PTPRQ: variants seen among roughly 807,000 people sequenced by gnomAD.
The protein encoded by PTPRQ is protein tyrosine phosphatase receptor type Q, also known as phosphatidylinositol phosphatase PTPRQ.
In PTPRQ, 199 loss-of-function variants were observed where a neutral mutation model predicts 246.0. That is an observed-to-expected ratio of 0.81 (90% CI 0.72 to 0.91). PTPRQ has a LOEUF of 0.91. Among genes scored for constraint, PTPRQ ranks in the 40% least tolerant of loss-of-function variants. The pLI is 0.00. For synonymous variants in PTPRQ, 869 were observed against 853.2 expected, an observed-to-expected ratio of 1.02 and a Z score of -0.32; for missense variants, 2,624 against 2,528.4, an observed-to-expected ratio of 1.04 and a Z score of -0.81.
intron 43 of PTPRQ, 148 bp from the exon 44 acceptor site, chr12:80,678,454 A>G (rs950508013): frequency 8.4e-6 from 9 of 1,065,838 alleles, no homozygotes; most frequent in Non-Finnish European, 9.6e-6. Flanking sequence ...ATGGTAGAAA[A>G]TCATATCTAT....
At chr12:80,448,195 T>A (rs1305530113) in intron 3 of PTPRQ, among the ~76,000 whole-genome samples, 1 of 152,116 alleles carries the variant, frequency 6.6e-6, no homozygotes, top group Non-Finnish European at 1.5e-5. Flanking sequence ...AGCCTGAATG[T>A]TATTGGTGTA....
chr12:80,635,283 C>T (rs1313252922), intron 35 of PTPRQ, among the ~76,000 whole-genome samples: 1 of 152,198 alleles, frequency 6.6e-6, no homozygotes, highest in African/African-American at 2.4e-5. Context: ...TAAATATGAA[C>T]TTTGGACTAT....
intron 25 of PTPRQ, among the ~76,000 whole-genome samples, chr12:80,581,409 G>A (rs754931257): frequency 5.1e-4 from 77 of 152,152 alleles, no homozygotes; most frequent in Non-Finnish European, 2.9e-4. Flanking sequence ...GCTGAGGTGG[G>A]CAGATCAGTT....
At chr12:80,537,754 T>C (rs1480208070) in intron 19 of PTPRQ, among the ~76,000 whole-genome samples, 1 of 152,212 alleles carries the variant, frequency 6.6e-6, no homozygotes, top group East Asian at 1.9e-4. Flanking sequence ...ACTTTTCTAC[T>C]TTTTAAGTTT....
chr12:80,530,337 T>G (rs1269575843), intron 17 of PTPRQ, among the ~76,000 whole-genome samples: 1 of 152,236 alleles, frequency 6.6e-6, no homozygotes, highest in East Asian at 1.9e-4. Context: ...ATTTACTGCT[T>G]TATCTCTCTA....
At chr12:80,530,062 C>T (rs986623670) in intron 17 of PTPRQ, among the ~76,000 whole-genome samples, 2 of 152,058 alleles carry the variant, frequency 1.3e-5, no homozygotes, top group Non-Finnish European at 2.9e-5. Context: ...AAGAGTTAGA[C>T]CTGCTTTGTC....
chr12:80,637,179 T>C (rs1014438601), intron 35 of PTPRQ, among the ~76,000 whole-genome samples: 3 of 130,334 alleles, frequency 2.3e-5, no homozygotes, highest in African/African-American at 8.7e-5. Flanking sequence ...CGAGACTCCA[T>C]GTCAAACAAA....
chr12:80,502,134 G>T (rs560688717), intron 14 of PTPRQ, among the ~76,000 whole-genome samples: 110 of 152,028 alleles, frequency 7.2e-4, no homozygotes, highest in African/African-American at 2.1e-3. Context: ...TCTCTGAATA[G>T]GCAGAAGGAG....
At chr12:80,621,392 G>A (rs988541669) in intron 32 of PTPRQ, among the ~76,000 whole-genome samples, 6 of 151,900 alleles carry the variant, frequency 3.9e-5, no homozygotes, top group Non-Finnish European at 8.8e-5. Context: ...AATGGTAGAG[G>A]TTCAATCATG....
In PTPRQ at chr12:80,648,786, G is replaced by A. The variant is rs978872187; in HGVS notation, c.5916-111G>A. 9.5e-6 allele frequency: 9 copies of A among 945,614 alleles called. No individual in the cohort carries two copies. In the South Asian group the frequency reaches 1.3e-4, roughly 14 times the overall value. The allele number at this position is 945,614 out of a possible 1,614,324, so 58.6% of individuals were successfully genotyped here. A position where few individuals can be genotyped will look rare whatever the true frequency, so the allele number is the denominator to read the frequency against. On this transcript the variant is annotated intron_variant, in intron 35 of 44. Coordinates refer to ENST00000644991, the MANE Select transcript of PTPRQ (RefSeq NM_001145026.2). The stretch of plus-strand genomic sequence containing the variant: ...TGATCATATATTAGTTAAAGGCATA[G>A]CACATTTTACATTATTGATTTATTA...
At chr12:80,544,359 T>C (rs1159845340) in intron 23 of PTPRQ, among the ~76,000 whole-genome samples, 2 of 152,162 alleles carry the variant, frequency 1.3e-5, no homozygotes, top group Non-Finnish European at 2.9e-5. Flanking sequence ...AACATTGTAA[T>C]AGCACTAAGC....
rs1190821742 is a variant in PTPRQ, at chr12:80,679,779, T to A, written c.*756T>A. On this transcript the variant is annotated 3_prime_UTR_variant, in exon 45 of 45. Transcript: ENST00000644991. ...TTACCCCCTGTATTGTATATTCAAA[T>A]ATATAGTAAATGTATCAGAGTATTT... 6.6e-6 allele frequency: 1 copy of A among 152,044 alleles called. No homozygotes were observed. The highest frequency in any genetic ancestry group is 1.5e-5 in the Non-Finnish European group (1 of 67,950). 9.4% of individuals were successfully genotyped at this position (152,044 alleles called of 1,614,324 possible). A position where few individuals can be genotyped will look rare whatever the true frequency, so the allele number is the denominator to read the frequency against.
chr12:80,669,559 A>G (rs1288831762), intron 41 of PTPRQ, 95 bp downstream of exon 41: 2 of 1,434,764 alleles, frequency 1.4e-6, no homozygotes, highest in East Asian at 2.5e-5. Flanking sequence ...ATCCCTTTCA[A>G]GGATACCTGT....
At chr12:80,584,496 T>A (rs930887509) in intron 25 of PTPRQ, among the ~76,000 whole-genome samples, 5 of 152,200 alleles carry the variant, frequency 3.3e-5, no homozygotes, top group Admixed American at 3.3e-4. Flanking sequence ...AAAATGTACC[T>A]CTGGACATAC....
chr12:80,537,278 G>T (rs965133315), intron 19 of PTPRQ, among the ~76,000 whole-genome samples: 5 of 152,250 alleles, frequency 3.3e-5, no homozygotes, highest in Admixed American at 3.3e-4. Flanking sequence ...GTGGAAGAAA[G>T]CCTCAAAATG....
At chr12:80,669,538 T>C in intron 41 of PTPRQ, 74 bp downstream of exon 41, 1 of 1,474,668 alleles carries the variant, frequency 6.8e-7, no homozygotes, top group African/African-American at 1.4e-5. Flanking sequence ...ATAAAATTAA[T>C]TTCTAGAACT....
In PTPRQ at chr12:80,619,513, A is replaced by C. The variant is rs1293863466; in HGVS notation, c.5360A>C (p.Asn1787Thr). 1 of 1,540,438 alleles carries C rather than the reference A, an allele frequency of 6.5e-7. No homozygotes were observed. Among genetic ancestry groups the C allele is most frequent in the Admixed American group, 2.0e-5 (1 of 50,176 alleles). The change falls in exon 31 of 45, where the codon AAT becomes ACT. Residue 1787 changes from asparagine (N) to threonine (T), a missense_variant. Transcript: ENST00000644991. ...AGTGATGATCATGGACCAATAAAAA[A>C]TGTACAAGTGCTTGTGACAGAAACA... ...YYSDDHGPIK[N>T]VQVLVTETGA...
At chr12:80,548,335 T>C (rs1038431811) in intron 24 of PTPRQ, among the ~76,000 whole-genome samples, 5 of 152,148 alleles carry the variant, frequency 3.3e-5, no homozygotes, top group African/African-American at 1.2e-4. Context: ...AACTATCTTA[T>C]GTTAACTTAT....
Position 80,542,113 on chromosome 12 carries a change from A to G in PTPRQ, c.3470A>G (p.Asn1157Ser). 6.5e-7 allele frequency: 1 copy of G among 1,548,876 alleles called. No individual in the cohort carries two copies. Among genetic ancestry groups the G allele is most frequent in the Non-Finnish European group, 8.7e-7 (1 of 1,146,262 alleles). The change falls in exon 22 of 45, where the codon AAC (asparagine) becomes AGC (serine). Residue 1157 changes from asparagine to serine, a missense_variant. Transcript: ENST00000644991. ...GTCCCAGAAACTTCACCAATAATCAACACTTTTAAAAACCTTTCCTCTACC... is the reference window on the plus strand; with the variant it reads ...GTCCCAGAAACTTCACCAATAATCAGCACTTTTAAAAACCTTTCCTCTACC... ...EDVPETSPII[N>S]TFKNLSSTSV...
Sources: gnomAD v4.1 joint callset for allele counts (sites outside exome capture counted in the v4.1 genomes callset) on GRCh38, gnomAD v4.1.1 for gene constraint, MANE v1.5 for transcripts, NCBI Gene and HGNC (gene_info 2026-07-23, HGNC 2026-07-21) for gene names.